The following CALU variants were observed in gnomAD, a reference collection of about 807,000 sequenced individuals.
The protein encoded by CALU is IEF SSP 9302.
A neutral mutation model predicts 37.5 loss-of-function variants in CALU; 13 were observed. That is an observed-to-expected ratio of 0.35 (90% CI 0.23 to 0.55). The LOEUF (loss-of-function observed/expected upper bound fraction) is 0.55, where lower values mean the gene tolerates loss of function less well. Among genes scored for constraint, CALU ranks in the 20% least tolerant of loss-of-function variants. The pLI is 0.89. For missense variants in CALU, 282 were observed against 391.7 expected (o/e 0.72, Z 2.36); for synonymous variants, 114 against 133.8 (o/e 0.85, Z 1.02).
rs35355395 is a variant in CALU at position 128,770,576 on chromosome 7, CA to C, written c.*1424del. 39,816 of 122,368 alleles carry C rather than the reference CA, an allele frequency of 0.33. 6,227 individuals carry two copies. The highest frequency in any genetic ancestry group is 0.46 in the Middle Eastern group (107 of 234). 7.6% of individuals were successfully genotyped at this position (122,368 alleles called of 1,614,324 possible). A position where few individuals can be genotyped will look rare whatever the true frequency, so the allele number is the denominator to read the frequency against. ...CCTCCTCTTTCCCTCTCCCCGCTGC[CA>C]AAAAAAAAAAAAAAGGAAACGTTTA... is the stretch of plus-strand genomic sequence containing the variant. On this transcript the variant is annotated 3_prime_UTR_variant, in exon 7 of 7. Transcript: ENST00000249364.
At chr7:128,763,712 T>G in intron 5 of CALU, among the ~76,000 whole-genome samples, 1 of 152,214 alleles carries the variant, frequency 6.6e-6, no homozygotes, top group East Asian at 1.9e-4. Flanking sequence ...TGAGTAAGTC[T>G]TCTTGGCTTT....
At position 128,770,956 on chromosome 7, in the gene CALU, T is replaced by G. The variant is rs1287438858; in HGVS notation, c.*1789T>G. The stretch of plus-strand genomic sequence containing the variant: ...CCCTGGTATGGTAAAAAGCCAGGTA[T>G]AATGTAACTTCACCCCAGCCTTTGT... On this transcript the variant is annotated 3_prime_UTR_variant, in exon 7 of 7. Transcript: ENST00000249364. 6.5e-6 allele frequency: 1 copy of G among 152,672 alleles called. No homozygotes were observed. The highest frequency in any genetic ancestry group is 1.5e-5 in the Non-Finnish European group (1 of 68,060). 9.5% of individuals were successfully genotyped at this position (152,672 alleles called of 1,614,324 possible). A position where few individuals can be genotyped will look rare whatever the true frequency, so the allele number is the denominator to read the frequency against.
Position 128,769,086 on chromosome 7 carries a change from G to A in CALU, c.867G>A (p.Glu289=), listed in dbSNP as rs2128884048. 2.5e-6 allele frequency: 4 copies of A among 1,611,950 alleles called. No homozygotes were observed. The highest frequency in any genetic ancestry group is 3.4e-6 in the Non-Finnish European group (4 of 1,178,122). The change falls in exon 7 of 7, where the codon GAG becomes GAA. Residue 289 remains glutamate (E), a synonymous_variant. Transcript: ENST00000249364. ...QNKDGKLTKE[E]IVDKYDLFVG... is the part of the protein sequence containing the mutation. ...AGGATGGCAAGCTTACCAAGGAGGA[G>A]ATCGTTGACAAGTATGACTTATTTG... is the stretch of plus-strand genomic sequence containing the variant.
chr7:128,748,107 A>C (rs1800517470), intron 1 of CALU: 1 of 372,838 alleles, frequency 2.7e-6, no homozygotes, highest in African/African-American at 2.1e-5. Flanking sequence ...ATTCAGCTTC[A>C]GAGACTCTAA....
chr7:128,752,106 A>G (rs1800696979), intron 2 of CALU, among the ~76,000 whole-genome samples: 1 of 152,198 alleles, frequency 6.6e-6, no homozygotes, highest in Non-Finnish European at 1.5e-5. Flanking sequence ...GCTCAGCAAG[A>G]TAAGAATGGC....
At chr7:128,763,536 A>T (rs377091414) in intron 5 of CALU, among the ~76,000 whole-genome samples, 1 of 152,188 alleles carries the variant, frequency 6.6e-6, no homozygotes, top group Non-Finnish European at 1.5e-5. Context: ...GTCTCAAAAA[A>T]ATAAAGTAAA....
chr7:128,759,684 C>T, intron 4 of CALU, 108 bp from the exon 5 acceptor site: 1 of 684,022 alleles, frequency 1.5e-6, no homozygotes, highest in Non-Finnish European at 2.7e-6. Context: ...CATACATGTA[C>T]AAGTGTGTTT....
intron 1 of CALU, among the ~76,000 whole-genome samples, chr7:128,746,929 C>T (rs1445494807): frequency 2.0e-5 from 3 of 151,982 alleles, no homozygotes; most frequent in Middle Eastern, 3.2e-3. Context: ...CCACCACGCC[C>T]GGCTAATTTT....
At chr7:128,752,905 G>A (rs548487881) in intron 2 of CALU, among the ~76,000 whole-genome samples, 9 of 152,212 alleles carry the variant, frequency 5.9e-5, no homozygotes, top group Middle Eastern at 6.8e-3. Flanking sequence ...GGCTGGTCTC[G>A]AATTCCTCAC....
chr7:128,744,833 T>C (rs1800370443), intron 1 of CALU, among the ~76,000 whole-genome samples: 1 of 152,170 alleles, frequency 6.6e-6, no homozygotes, highest in Admixed American at 6.5e-5. Flanking sequence ...TGAAAGTTTA[T>C]TCAGGAGAGG....
Position 128,762,867 on chromosome 7 carries a change from A to G in CALU, c.643+3015A>G, listed in dbSNP as rs185130321. Reference sequence around the variant, plus strand: ...TTTTTAATAGAGGCGGGGTTTCACCATGTTGGCCAGGGTGATCTTGAACTC... The same window carrying G: ...TTTTTAATAGAGGCGGGGTTTCACCGTGTTGGCCAGGGTGATCTTGAACTC... On this transcript the variant is annotated intron_variant, in intron 5 of 6. Coordinates refer to ENST00000249364, the MANE Select transcript of CALU (RefSeq NM_001219.5). 9.3e-3 allele frequency among the ~76,000 whole-genome samples: 1,415 copies of G among 152,012 alleles called. 26 individuals are homozygous for G. Among genetic ancestry groups the G allele is most frequent in the African/African-American group, 0.033 (1,366 of 41,456 alleles).
chr7:128,759,823 A>T lies in CALU; in HGVS notation c.614A>T (p.Asp205Val). ...ETMEDIDKNA[D>V]GFIDLEEYIG... ...ATGGAAGATATAGATAAGAATGCTG[A>T]TGGTTTCATTGATCTAGAAGAGTAT... Residue 205 changes from aspartate (D) to valine (V), a missense_variant, in exon 5 of 7, where the codon GAT (aspartate) becomes GTT (valine). Coordinates refer to ENST00000249364, the MANE Select transcript of CALU (RefSeq NM_001219.5). 7.1e-7 allele frequency: 1 copy of T among 1,399,054 alleles called. No homozygotes were observed. The highest frequency in any genetic ancestry group is 1.0e-6 in the Non-Finnish European group (1 of 984,234). The allele number at this position is 1,399,054 out of a possible 1,614,324, so 86.7% of individuals were successfully genotyped here. A position where few individuals can be genotyped will look rare whatever the true frequency, so the allele number is the denominator to read the frequency against.
In CALU at chr7:128,747,239, A is replaced by G. The variant is rs1422077201; in HGVS notation, c.-11-1334A>G. ...TGGGTATTTTGATGGGATTGAATGA[A>G]ACAATGTTGAGAAACATAGCCAAGT... is the stretch of plus-strand genomic sequence containing the variant. On this transcript the variant is annotated intron_variant, in intron 1 of 6. Transcript: ENST00000249364. Among the ~76,000 whole-genome samples the G allele has an allele frequency of 2.6e-5, 4 of 152,338 alleles. No homozygotes were observed. The South Asian group carries it at 8.3e-4, about 32-fold the overall frequency.
At position 128,769,146 on chromosome 7, in the gene CALU, A is replaced by G. The variant is rs1484321055; in HGVS notation, c.927A>G (p.Leu309=). The change falls in exon 7 of 7, where the codon TTA becomes TTG. Residue 309 remains leucine, a synonymous_variant. Transcript: ENST00000249364. The stretch of plus-strand genomic sequence containing the variant: ...AGGCCACAGATTTTGGGGAGGCCTT[A>G]GTACGGCATGATGAGTTCTGAGCTA... ...GSQATDFGEA[L]VRHDEF The G allele has an allele frequency of 6.2e-7, 1 of 1,601,356 alleles. No individual in the cohort carries two copies. Among genetic ancestry groups the G allele is most frequent in the Non-Finnish European group, 8.6e-7 (1 of 1,168,388 alleles).
rs754768003 is a variant in CALU, at chr7:128,758,811, C to T, written c.416-60C>T. On this transcript the variant is annotated intron_variant, in intron 3 of 6. Coordinates refer to ENST00000249364, the MANE Select transcript of CALU (RefSeq NM_001219.5). ...TTTATTGGAAATTGATTTCCCACCCCACACATTTTCATGTTTTCTGAAAGT... is the reference window on the plus strand; with the variant it reads ...TTTATTGGAAATTGATTTCCCACCCTACACATTTTCATGTTTTCTGAAAGT... 10 of 1,179,722 alleles carry T rather than the reference C, an allele frequency of 8.5e-6. No homozygotes were observed. The Admixed American group carries it at 1.2e-4, about 14-fold the overall frequency. 73.1% of individuals were successfully genotyped at this position (1,179,722 alleles called of 1,614,324 possible).
chr7:128,748,230 T>C lies in CALU; in HGVS notation c.-11-343T>C, dbSNP rs553061312. The stretch of plus-strand genomic sequence containing the variant: ...AGGATTTGGAGTCAACATTTAAACC[T>C]TGGTTCTTTCACTTTTAATTCTTAT... On this transcript the variant is annotated intron_variant, in intron 1 of 6. Transcript: ENST00000249364. 7.7e-6 allele frequency: 5 copies of C among 645,324 alleles called. No homozygotes were observed. The East Asian group carries it at 1.4e-4, about 18-fold the overall frequency. The allele number at this position is 645,324 out of a possible 1,614,324, so 40.0% of individuals were successfully genotyped here.
chr7:128,743,323 C>A (rs938400531), intron 1 of CALU, among the ~76,000 whole-genome samples: 2 of 152,046 alleles, frequency 1.3e-5, no homozygotes, highest in Non-Finnish European at 2.9e-5. Flanking sequence ...ACAGCTAAGT[C>A]TTTTGTTTAT....
At chr7:128,749,874 G>A (rs1031095327) in intron 2 of CALU, among the ~76,000 whole-genome samples, 3 of 152,032 alleles carry the variant, frequency 2.0e-5, no homozygotes, top group African/African-American at 7.3e-5. Flanking sequence ...GCTTTCCTTT[G>A]GGAGACCATC....
At chr7:128,758,810 C>A in intron 3 of CALU, 61 bp from the exon 4 acceptor site, 1 of 1,163,606 alleles carries the variant, frequency 8.6e-7, no homozygotes, top group Non-Finnish European at 1.3e-6. Context: ...ATTTCCCACC[C>A]CACACATTTT....
Sources: allele counts gnomAD v4.1 joint callset (sites outside exome capture counted in the v4.1 genomes callset), GRCh38; gene constraint gnomAD v4.1.1; transcripts MANE v1.5; gene names NCBI Gene and HGNC (gene_info 2026-07-23, HGNC 2026-07-21).